DLGAP5: variants seen among roughly 807,000 people sequenced by gnomAD.
DLGAP5 encodes the protein disks large-associated protein 5.
DLGAP5 carries 90 observed loss-of-function variants against 99.6 expected under a neutral mutation model. The ratio of observed to expected loss-of-function variants is 0.90; its 90% CI spans 0.76 to 1.08. DLGAP5 has a LOEUF of 1.08. Among genes scored for constraint, DLGAP5 ranks in the 50% least tolerant of loss-of-function variants. The probability of loss-of-function intolerance (pLI) is 0.00; values close to 1 mark genes in which losing one functional copy is unlikely to be tolerated. For synonymous variants in DLGAP5, 311 were observed against 321.3 expected, an observed-to-expected ratio of 0.97 and a Z score of 0.34; for missense variants, 1,036 against 983.5, an observed-to-expected ratio of 1.05 and a Z score of -0.71.
chr14:55,173,417 C>T (rs1490243434), intron 10 of DLGAP5, among the ~76,000 whole-genome samples: 1 of 151,908 alleles, frequency 6.6e-6, no homozygotes, highest in African/African-American at 2.4e-5. Flanking sequence ...CAGAGTGCAA[C>T]CATTTCAAAA....
chr14:55,170,449 G>A (rs951497274), intron 11 of DLGAP5, among the ~76,000 whole-genome samples: 5 of 152,050 alleles, frequency 3.3e-5, no homozygotes, highest in African/African-American at 1.2e-4. Flanking sequence ...TCAAAGGAAC[G>A]ACAGTCAATA....
In DLGAP5 at chr14:55,152,613, G is replaced by A; in HGVS notation, c.2098C>T (p.Pro700Ser). Reference protein sequence around the residue: ...SIEDAQCPGLPDLIEENHVVN... With the variant: ...SIEDAQCPGLSDLIEENHVVN... ...ACATGATTTTCTTCAATTAAATCTG[G>A]TAATCCAGGACACTGAGCATCTTCT... The change falls in exon 16 of 19, where the codon CCA (proline) becomes TCA (serine). Residue 700 changes from proline (P) to serine (S), a missense_variant. Pro to Ser is a moderately conservative substitution (Grantham distance 74). Coordinates refer to ENST00000247191, the MANE Select transcript of DLGAP5 (RefSeq NM_014750.5). 1 of 1,601,826 alleles carries A rather than the reference G, an allele frequency of 6.2e-7. No individual in the cohort carries two copies. The highest frequency in any genetic ancestry group is 8.5e-7 in the Non-Finnish European group (1 of 1,175,044).
At chr14:55,159,382 A>G (rs1594666359) in intron 13 of DLGAP5, among the ~76,000 whole-genome samples, 1 of 152,258 alleles carries the variant, frequency 6.6e-6, no homozygotes, top group East Asian at 1.9e-4. Context: ...TAAGCAGAAG[A>G]TTAACATCAA....
chr14:55,176,638 A>G (rs904172676), intron 8 of DLGAP5, among the ~76,000 whole-genome samples: 2 of 152,174 alleles, frequency 1.3e-5, no homozygotes, highest in African/African-American at 2.4e-5. Flanking sequence ...ATTCCTAATT[A>G]ACACAGTTCA....
chr14:55,155,814 C>A (rs895579741), intron 14 of DLGAP5, among the ~76,000 whole-genome samples: 17 of 151,754 alleles, frequency 1.1e-4, no homozygotes, highest in African/African-American at 3.9e-4. Context: ...ATTGGCCGGG[C>A]GCGGTGGCTC....
chr14:55,188,803 GA>G (rs1328266806), intron 2 of DLGAP5, 138 bp downstream of exon 2: 2 of 484,866 alleles, frequency 4.1e-6, no homozygotes, highest in East Asian at 7.8e-5. Flanking sequence ...AAAAAAAAAG[GA>G]AAAAGACCAA....
chr14:55,148,251 T>TAGA lies in DLGAP5; in HGVS notation c.*97_*99dup, dbSNP rs777615070. On this transcript the variant is annotated 3_prime_UTR_variant, in exon 19 of 19. Coordinates refer to ENST00000247191, the MANE Select transcript of DLGAP5 (RefSeq NM_014750.5). ...CAGAATATTAAAACATTATATGCTA[T>TAGA]AGAAGTGAACACAAATACATTTTCT... 1.2e-5 allele frequency: 15 copies of TAGA among 1,208,430 alleles called. No homozygotes were observed. Among genetic ancestry groups the TAGA allele is most frequent in the Non-Finnish European group, 1.6e-5 (14 of 851,450 alleles). 74.9% of individuals were successfully genotyped at this position (1,208,430 alleles called of 1,614,324 possible).
intron 18 of DLGAP5, 25 bp downstream of exon 18, chr14:55,150,774 G>T: frequency 6.5e-7 from 1 of 1,528,240 alleles, no homozygotes; most frequent in South Asian, 1.2e-5. Context: ...GAATATAAAG[G>T]GACTTGTCAA....
chr14:55,186,572 T>C (rs570013554), intron 2 of DLGAP5, among the ~76,000 whole-genome samples: 2 of 147,664 alleles, frequency 1.4e-5, no homozygotes, highest in East Asian at 3.9e-4. Context: ...TCCTATTGAA[T>C]GTCTTTGCAA....
chr14:55,182,273 CATT>C, intron 4 of DLGAP5, 94 bp downstream of exon 4: 1 of 1,032,936 alleles, frequency 9.7e-7, no homozygotes, highest in Non-Finnish European at 1.4e-6. Context: ...GTAAATTAAT[CATT>C]ATGTTTGAAT....
At chr14:55,190,485 G>C (rs1293834725) in intron 1 of DLGAP5, among the ~76,000 whole-genome samples, 1 of 152,122 alleles carries the variant, frequency 6.6e-6, no homozygotes, top group South Asian at 2.1e-4. Flanking sequence ...CTGGTATAGA[G>C]AACTACCAAG....
At chr14:55,170,017 C>T (rs1176263219) in intron 11 of DLGAP5, among the ~76,000 whole-genome samples, 6 of 152,120 alleles carry the variant, frequency 3.9e-5, no homozygotes, top group Non-Finnish European at 4.4e-5. Context: ...CACCTATAAT[C>T]CCAGCCACTT....
rs369769026 is a variant in DLGAP5 at position 55,163,147 on chromosome 14, T to C, written c.1549-72A>G. On this transcript the variant is annotated intron_variant, in intron 12 of 18. Coordinates refer to ENST00000247191, the MANE Select transcript of DLGAP5 (RefSeq NM_014750.5). ...AGTTATAAACGAATGAGCTGAAGACTAAAAAAAAATTAAAAATAGTGATTC... is the reference window on the plus strand; with the variant it reads ...AGTTATAAACGAATGAGCTGAAGACCAAAAAAAAATTAAAAATAGTGATTC... The C allele has an allele frequency of 3.0e-4, 247 of 823,542 alleles. No individual in the cohort carries two copies. The African/African-American group carries it at 4.0e-3, about 13-fold the overall frequency. 51.0% of individuals were successfully genotyped at this position (823,542 alleles called of 1,614,324 possible).
intron 14 of DLGAP5, among the ~76,000 whole-genome samples, chr14:55,155,029 TTTG>T (rs1432926660): frequency 2.6e-5 from 4 of 152,154 alleles, no homozygotes; most frequent in African/African-American, 9.7e-5. Context: ...AGATAATTTT[TTTG>T]TTGTTGTTGA....
chr14:55,155,368 T>C (rs1166683986), intron 14 of DLGAP5, among the ~76,000 whole-genome samples: 2 of 145,456 alleles, frequency 1.4e-5, no homozygotes, highest in African/African-American at 5.1e-5. Context: ...TTTTTAGAGA[T>C]GGAGTTTCAT....
chr14:55,168,829 G>T (rs749960209), intron 12 of DLGAP5, among the ~76,000 whole-genome samples: 1 of 152,016 alleles, frequency 6.6e-6, no homozygotes, highest in South Asian at 2.1e-4. Context: ...CTCACAGGTC[G>T]AATCATTATA....
In DLGAP5 at chr14:55,183,890, C is replaced by T. The variant is rs1167145892; in HGVS notation, c.239-137G>A. On this transcript the variant is annotated intron_variant, in intron 2 of 18. Transcript: ENST00000247191. Reference sequence around the variant, plus strand: ...CTTTCAGGCCAGGCACGGTGGCTCACGCCTGTAATCCCAGCACTTTGGGAG... The same window carrying T: ...CTTTCAGGCCAGGCACGGTGGCTCATGCCTGTAATCCCAGCACTTTGGGAG... The T allele has an allele frequency of 1.4e-5, 12 of 843,810 alleles. No individual in the cohort carries two copies. The African/African-American group carries it at 1.6e-4, about 11-fold the overall frequency. 52.3% of individuals were successfully genotyped at this position (843,810 alleles called of 1,614,324 possible). A position where few individuals can be genotyped will look rare whatever the true frequency, so the allele number is the denominator to read the frequency against.
intron 14 of DLGAP5, 68 bp from the exon 15 acceptor site, chr14:55,154,874 G>A (rs1052909638): frequency 7.9e-5 from 109 of 1,379,530 alleles, no homozygotes; most frequent in Non-Finnish European, 1.0e-4. Context: ...CTAGGAATAC[G>A]GTGAAAATCC....
chr14:55,150,775 G>A, intron 18 of DLGAP5, 24 bp downstream of exon 18: 3 of 1,532,246 alleles, frequency 2.0e-6, no homozygotes, highest in Non-Finnish European at 2.6e-6. Context: ...AATATAAAGG[G>A]ACTTGTCAAG....
Sources: gnomAD v4.1 joint callset for allele counts (sites outside exome capture counted in the v4.1 genomes callset) on GRCh38, gnomAD v4.1.1 for gene constraint, MANE v1.5 for transcripts, NCBI Gene and HGNC (gene_info 2026-07-23, HGNC 2026-07-21) for gene names.